The following FBXW7 variants were observed in gnomAD, a reference collection of about 807,000 sequenced individuals.
FBXW7 encodes the protein F-box/WD repeat-containing protein 7.
Under a neutral mutation model 86.3 loss-of-function variants are expected in FBXW7, and 11 were observed. The observed-to-expected ratio is 0.13, with a 90% confidence interval of 0.08 to 0.21. The LOEUF (loss-of-function observed/expected upper bound fraction) is 0.21, where lower values mean the gene tolerates loss of function less well. Ranked by LOEUF, FBXW7 falls within the 10% of genes least tolerant of loss-of-function variation. The pLI, the probability that FBXW7 is intolerant of heterozygous loss-of-function variation, is 1.00. For missense variants in FBXW7, 488 were observed against 847.4 expected (o/e 0.58, Z 5.27); for synonymous variants, 313 against 297.9 (o/e 1.05, Z -0.52).
intron 4 of FBXW7, among the ~76,000 whole-genome samples, chr4:152,366,217 G>A (rs1465309786): frequency 6.6e-6 from 1 of 152,060 alleles, no homozygotes; most frequent in Non-Finnish European, 1.5e-5. Context: ...AGTCATAAAA[G>A]CATTTCTACA....
intron 2 of FBXW7, among the ~76,000 whole-genome samples, chr4:152,478,283 A>C (rs1431336667): frequency 6.6e-6 from 1 of 152,060 alleles, no homozygotes; most frequent in South Asian, 2.1e-4. Context: ...CCAGCTTTAT[A>C]TATTTGCCAG....
At chr4:152,458,847 G>A (rs1363869999) in intron 2 of FBXW7, among the ~76,000 whole-genome samples, 1 of 152,136 alleles carries the variant, frequency 6.6e-6, no homozygotes, top group Non-Finnish European at 1.5e-5. Context: ...AACAAACCCA[G>A]CTATGTTCAG....
intron 4 of FBXW7, among the ~76,000 whole-genome samples, chr4:152,408,127 T>C (rs1324717790): frequency 6.6e-6 from 1 of 152,208 alleles, no homozygotes; most frequent in Non-Finnish European, 1.5e-5. Context: ...AAGGAAGTTA[T>C]GTGAGAAGAG....
At chr4:152,398,078 C>G (rs1355589969) in intron 4 of FBXW7, among the ~76,000 whole-genome samples, 1 of 151,588 alleles carries the variant, frequency 6.6e-6, no homozygotes, top group Non-Finnish European at 1.5e-5. Context: ...AAAAAAAAAG[C>G]AAAAACAAAA....
intron 2 of FBXW7, among the ~76,000 whole-genome samples, chr4:152,488,461 G>A (rs562131430): frequency 1.2e-4 from 19 of 152,146 alleles, no homozygotes; most frequent in African/African-American, 4.1e-4. Flanking sequence ...CCAATAAAGC[G>A]ATTCGTTCAT....
chr4:152,321,101 T>A lies in FBXW7; in HGVS notation c.*1780A>T. 5.3e-6 allele frequency: 1 copy of A among 188,658 alleles called. No individual in the cohort carries two copies. Among genetic ancestry groups the A allele is most frequent in the East Asian group, 8.5e-5 (1 of 11,716 alleles). The allele number at this position is 188,658 out of a possible 1,614,324, so 11.7% of individuals were successfully genotyped here. ...TAAAATTTGCAGTTGCAGCACATTATCCTTACTTTCGCGGTATAAAACAGG... is the reference window on the plus strand; with the variant it reads ...TAAAATTTGCAGTTGCAGCACATTAACCTTACTTTCGCGGTATAAAACAGG... On this transcript the variant is annotated 3_prime_UTR_variant, in exon 14 of 14. Transcript: ENST00000281708.
intron 2 of FBXW7, among the ~76,000 whole-genome samples, chr4:152,504,903 T>G (rs186804908): frequency 6.6e-6 from 1 of 152,200 alleles, no homozygotes; most frequent in Non-Finnish European, 1.5e-5. Context: ...CTTTTTACAT[T>G]AATAAGGGTA....
intron 4 of FBXW7, among the ~76,000 whole-genome samples, chr4:152,404,528 TAG>T (rs1447824872): frequency 1.3e-5 from 2 of 152,216 alleles, no homozygotes; most frequent in Non-Finnish European, 2.9e-5. Context: ...TCACACTGTA[TAG>T]AGTTTTGAAT....
intron 2 of FBXW7, among the ~76,000 whole-genome samples, chr4:152,435,605 A>G (rs958103622): frequency 1.3e-5 from 2 of 152,236 alleles, no homozygotes; most frequent in African/African-American, 4.8e-5. Flanking sequence ...CTTGATTAGC[A>G]AGTTGTAGAT....
chr4:152,508,650 A>C (rs2149710862), intron 2 of FBXW7, among the ~76,000 whole-genome samples: 1 of 149,182 alleles, frequency 6.7e-6, no homozygotes, highest in Admixed American at 6.7e-5. Flanking sequence ...TGATCGTGCC[A>C]CTGCAAAAAA....
At chr4:152,331,131 G>T (rs974003800) in intron 8 of FBXW7, among the ~76,000 whole-genome samples, 1 of 151,998 alleles carries the variant, frequency 6.6e-6, no homozygotes, top group African/African-American at 2.4e-5. Flanking sequence ...GAGGAAATTG[G>T]AATGCTTGTG....
chr4:152,438,388 C>T (rs1740579708), intron 2 of FBXW7, among the ~76,000 whole-genome samples: 2 of 151,582 alleles, frequency 1.3e-5, no homozygotes, highest in South Asian at 4.2e-4. Context: ...TTAATTCTAA[C>T]AAAAAGTGGC....
intron 2 of FBXW7, among the ~76,000 whole-genome samples, chr4:152,516,442 C>A (rs2149722528): frequency 6.6e-6 from 1 of 152,294 alleles, no homozygotes; most frequent in East Asian, 1.9e-4. Flanking sequence ...AAACCATTCC[C>A]CACTGCCTCT....
At chr4:152,449,510 C>T (rs1044714961) in intron 2 of FBXW7, among the ~76,000 whole-genome samples, 1 of 151,956 alleles carries the variant, frequency 6.6e-6, no homozygotes, top group Non-Finnish European at 1.5e-5. Flanking sequence ...CTGGATAATC[C>T]AAGGAGGCTC....
chr4:152,356,900 G>T (rs924343827), intron 4 of FBXW7, among the ~76,000 whole-genome samples: 3 of 152,112 alleles, frequency 2.0e-5, no homozygotes, highest in Non-Finnish European at 4.4e-5. Flanking sequence ...CACCTACTTT[G>T]TGTTGGGCAC....
At position 152,391,357 on chromosome 4, in the gene FBXW7, T is replaced by C. The variant is rs139254950; in HGVS notation, c.501+19946A>G. Among the ~76,000 whole-genome samples the C allele has an allele frequency of 4.3e-3, 652 of 152,290 alleles. 5 individuals are homozygous for C. The highest frequency in any genetic ancestry group is 0.015 in the African/African-American group (611 of 41,574). On this transcript the variant is annotated intron_variant, in intron 4 of 13. Coordinates refer to ENST00000281708, the MANE Select transcript of FBXW7 (RefSeq NM_001349798.2). ...TAATTTTTCTGAAAAATATCAATGT[T>C]ATTTTTTGTAGCTGAGGTTTAAATT... is the stretch of plus-strand genomic sequence containing the variant.
At chr4:152,510,328 AGATGCCTGTGTACTTT>A (rs1432573056) in intron 2 of FBXW7, among the ~76,000 whole-genome samples, 3 of 152,246 alleles carry the variant, frequency 2.0e-5, no homozygotes, top group South Asian at 4.1e-4. Context: ...TGCTGATTCA[AGATGCCTGTGTACTTT>A]ATTTTGATAA....
At position 152,536,012 on chromosome 4, in the gene FBXW7, C is replaced by T. The variant is rs539972818; in HGVS notation, c.-1098G>A. The T allele has an allele frequency of 9.0e-6, 2 of 221,924 alleles. No individual in the cohort carries two copies. Among genetic ancestry groups the T allele is most frequent in the South Asian group, 7.8e-5 (1 of 12,892 alleles). 13.7% of individuals were successfully genotyped at this position (221,924 alleles called of 1,614,324 possible). ...CTCTCAGTCTCAGCGGCGGCGGCGG[C>T]GGCAGCGGCAGCGGCAGCGCCCGGA... is the stretch of plus-strand genomic sequence containing the variant. On this transcript the variant is annotated 5_prime_UTR_variant, in exon 1 of 14. Coordinates refer to ENST00000281708, the MANE Select transcript of FBXW7 (RefSeq NM_001349798.2).
chr4:152,488,751 T>C (rs940152242), intron 2 of FBXW7, among the ~76,000 whole-genome samples: 2 of 152,106 alleles, frequency 1.3e-5, no homozygotes, highest in East Asian at 1.9e-4. Context: ...CCAATCTGTA[T>C]AGAAGTCTGT....
Sources: allele counts gnomAD v4.1 joint callset (sites outside exome capture counted in the v4.1 genomes callset), GRCh38; gene constraint gnomAD v4.1.1; transcripts MANE v1.5; gene names NCBI Gene and HGNC (gene_info 2026-07-23, HGNC 2026-07-21).